Variants in MRPL48 observed in about 807,000 individuals in gnomAD.
MRPL48 encodes mitochondrial ribosomal protein L48, also known as large ribosomal subunit protein mL48.
A neutral mutation model predicts 32.9 loss-of-function variants in MRPL48; 16 were observed. That is an observed-to-expected ratio of 0.49 (90% confidence interval 0.33 to 0.74). The LOEUF (loss-of-function observed/expected upper bound fraction) is 0.74. MRPL48 is among the 30% of genes least tolerant of loss of function. The pLI is 0.02. For missense variants in MRPL48, 206 were observed against 245.3 expected, an observed-to-expected ratio of 0.84 and a Z score of 1.07; for synonymous variants, 94 against 89.2, an observed-to-expected ratio of 1.05 and a Z score of -0.31.
At chr11:73,793,401 T>C (rs1003190736) in intron 1 of MRPL48, among the ~76,000 whole-genome samples, 1 of 152,136 alleles carries the variant, frequency 6.6e-6, no homozygotes, top group Non-Finnish European at 1.5e-5. Context: ...ATTAAACTTA[T>C]AACTACTTAA....
intron 3 of MRPL48, among the ~76,000 whole-genome samples, chr11:73,812,738 A>ATATATTTATT (rs112576224): frequency 1.4e-5 from 2 of 142,064 alleles, no homozygotes; most frequent in Non-Finnish European, 3.0e-5. Flanking sequence ...ATATATATAT[A>ATATATTTATT]TATTTATTTA....
At chr11:73,812,738 ATATT>A (rs1555078898) in intron 3 of MRPL48, among the ~76,000 whole-genome samples, 1 of 142,064 alleles carries the variant, frequency 7.0e-6, no homozygotes, top group Non-Finnish European at 1.5e-5. Context: ...ATATATATAT[ATATT>A]TATTTATTTA....
intron 5 of MRPL48, among the ~76,000 whole-genome samples, chr11:73,845,604 C>T (rs1234430067): frequency 6.6e-6 from 1 of 152,078 alleles, no homozygotes; most frequent in African/African-American, 2.4e-5. Flanking sequence ...GAGACCTCGT[C>T]TCTACAAATA....
At chr11:73,826,774 CTTTTTTTTTTT>C (rs71065041) in intron 4 of MRPL48, among the ~76,000 whole-genome samples, 1 of 108,928 alleles carries the variant, frequency 9.2e-6, no homozygotes, top group African/African-American at 3.4e-5. Context: ...ACTGTATTTT[CTTTTTTTTTTT>C]TTTTTTTTGA....
At chr11:73,798,247 T>G (rs1377490598) in intron 1 of MRPL48, among the ~76,000 whole-genome samples, 1 of 152,066 alleles carries the variant, frequency 6.6e-6, no homozygotes, top group Non-Finnish European at 1.5e-5. Flanking sequence ...CTGGCTAATT[T>G]TTGTATTTTT....
Position 73,825,278 on chromosome 11 carries a change from T to TATA in MRPL48, c.113-430_113-429insATA, listed in dbSNP as rs1554969724. Among the ~76,000 whole-genome samples the TATA allele has an allele frequency of 2.1e-4, 29 of 136,204 alleles. No homozygotes were observed. The South Asian group carries it at 2.2e-3, about 10-fold the overall frequency. 89.4% of individuals were successfully genotyped at this position (136,204 alleles called of 152,430 possible). On this transcript the variant is annotated intron_variant, in intron 3 of 7. Coordinates refer to ENST00000310614, the MANE Select transcript of MRPL48 (RefSeq NM_016055.6). ...AAAATCCTTACTGTTACCTTGTTTT[T>TATA]TATATATGTGTGTGTGTGTGTGTGT...
At chr11:73,847,139 AAATGGCTGCACCATTTTTT>A (rs1948307011) in intron 5 of MRPL48, among the ~76,000 whole-genome samples, 1 of 152,050 alleles carries the variant, frequency 6.6e-6, no homozygotes, top group Admixed American at 6.6e-5. Flanking sequence ...TTGTTTTCCA[AAATGGCTGCACCATTTTTT>A]ATTCCCACCA....
At chr11:73,857,526 T>C (rs1306168102) in intron 5 of MRPL48, among the ~76,000 whole-genome samples, 2 of 151,364 alleles carry the variant, frequency 1.3e-5, no homozygotes, top group Non-Finnish European at 2.9e-5. Context: ...GCAATCCTCC[T>C]GTCTTGGCCT....
intron 2 of MRPL48, among the ~76,000 whole-genome samples, chr11:73,805,448 C>T (rs1011416112): frequency 6.7e-6 from 1 of 150,314 alleles, no homozygotes; most frequent in African/African-American, 2.4e-5. Flanking sequence ...ATGCACCTGC[C>T]ACCATGCCCA....
In MRPL48 at chr11:73,788,703, A is replaced by C. The variant is rs532809289; in HGVS notation, c.21+711A>C. On this transcript the variant is annotated intron_variant, in intron 1 of 7. Transcript: ENST00000310614. ...TGGCCAGGCTGGTCTCGAATTCCTG[A>C]CCACGTGATCTGCCCGCCTCGGCCT... Among the ~76,000 whole-genome samples, 4 of 151,886 alleles carry C rather than the reference A, an allele frequency of 2.6e-5. No homozygotes were observed. The East Asian group carries it at 7.7e-4, about 29-fold the overall frequency.
chr11:73,846,419 A>C (rs540570234), intron 5 of MRPL48, among the ~76,000 whole-genome samples: 1 of 152,090 alleles, frequency 6.6e-6, no homozygotes, highest in Non-Finnish European at 1.5e-5. Flanking sequence ...CATGGGTTTC[A>C]CCATGTTGGC....
At chr11:73,863,333 T>A in intron 7 of MRPL48, 72 bp downstream of exon 7, 1 of 1,269,118 alleles carries the variant, frequency 7.9e-7, no homozygotes, top group Non-Finnish European at 1.1e-6. Flanking sequence ...ACATCTGGAC[T>A]TCCTGGCTTT....
chr11:73,796,117 C>A (rs1333389434), intron 1 of MRPL48, among the ~76,000 whole-genome samples: 1 of 152,246 alleles, frequency 6.6e-6, no homozygotes, highest in African/African-American at 2.4e-5. Context: ...AAGTGGGAGC[C>A]CTGCCCCTTC....
chr11:73,796,397 C>A (rs1221686889), intron 1 of MRPL48, among the ~76,000 whole-genome samples: 1 of 152,236 alleles, frequency 6.6e-6, no homozygotes, highest in Non-Finnish European at 1.5e-5. Flanking sequence ...ACTGTCGCAG[C>A]CTGGCCAGGT....
At chr11:73,837,271 G>A (rs1948120241) in intron 4 of MRPL48, among the ~76,000 whole-genome samples, 1 of 152,170 alleles carries the variant, frequency 6.6e-6, no homozygotes, top group African/African-American at 2.4e-5. Flanking sequence ...TGGGCTTGGG[G>A]CTGCAGACTC....
chr11:73,792,370 C>A (rs1440313469), intron 1 of MRPL48, among the ~76,000 whole-genome samples: 1 of 152,142 alleles, frequency 6.6e-6, no homozygotes, highest in Non-Finnish European at 1.5e-5. Context: ...TCAGGGAATA[C>A]CTTACCCCTG....
At chr11:73,788,468 CTTTCTTTTTTTT>C (rs1430257835) in intron 1 of MRPL48, among the ~76,000 whole-genome samples, 1 of 130,858 alleles carries the variant, frequency 7.6e-6, no homozygotes, top group African/African-American at 2.9e-5. Flanking sequence ...TTGTTCTTTT[CTTTCTTTTTTTT>C]TTTTTTTTTT....
chr11:73,798,851 T>G (rs892821805), intron 1 of MRPL48, among the ~76,000 whole-genome samples: 2 of 151,760 alleles, frequency 1.3e-5, no homozygotes, highest in African/African-American at 2.4e-5. Context: ...ATTATCCGGG[T>G]TTGGTGACAG....
At chr11:73,795,600 G>A (rs1224984979) in intron 1 of MRPL48, among the ~76,000 whole-genome samples, 1 of 151,428 alleles carries the variant, frequency 6.6e-6, no homozygotes, top group South Asian at 2.1e-4. Context: ...CCCGCCTCCC[G>A]GGTTCACACC....
Sources: allele counts gnomAD v4.1 joint callset (sites outside exome capture counted in the v4.1 genomes callset), GRCh38; gene constraint gnomAD v4.1.1; transcripts MANE v1.5; gene names NCBI Gene and HGNC (gene_info 2026-07-23, HGNC 2026-07-21).